SLC1A2: variants seen among roughly 807,000 people sequenced by gnomAD.
SLC1A2 encodes solute carrier family 1 member 2.
SLC1A2 carries 15 observed loss-of-function variants against 48.8 expected under a neutral mutation model. The observed-to-expected ratio is 0.31, with a 90% confidence interval of 0.21 to 0.47. The LOEUF (loss-of-function observed/expected upper bound fraction) is 0.47, where lower values mean the gene tolerates loss of function less well. Ranked by LOEUF, SLC1A2 falls within the 20% of genes least tolerant of loss-of-function variation. The pLI is 0.99. For synonymous variants in SLC1A2, 279 were observed against 272.6 expected (o/e 1.02, Z -0.23); for missense variants, 502 against 730.5 (o/e 0.69, Z 3.61).
intron 1 of SLC1A2, among the ~76,000 whole-genome samples, chr11:35,346,111 G>A (rs950193303): frequency 1.3e-5 from 2 of 151,946 alleles, no homozygotes; most frequent in African/African-American, 4.8e-5. Context: ...AGAACGTGTA[G>A]GTCTGTTACA....
In SLC1A2 at chr11:35,336,545, C is replaced by A. The variant is rs561806235; in HGVS notation, c.18-19029G>T. On this transcript the variant is annotated intron_variant, in intron 1 of 10. Coordinates refer to ENST00000278379, the MANE Select transcript of SLC1A2 (RefSeq NM_004171.4). ...TTCCTTTGTTTGATCCTCACAACAA[C>A]AATTCTATAAGCAAGTAGGAGGAAG... is the stretch of plus-strand genomic sequence containing the variant. Among the ~76,000 whole-genome samples, 12 of 152,250 alleles carry A rather than the reference C, an allele frequency of 7.9e-5. No individual in the cohort carries two copies. The South Asian group carries it at 2.5e-3, about 32-fold the overall frequency.
chr11:35,407,997 C>T (rs931012044), intron 1 of SLC1A2, among the ~76,000 whole-genome samples: 2 of 152,188 alleles, frequency 1.3e-5, no homozygotes, highest in African/African-American at 2.4e-5. Context: ...ATATTCCACT[C>T]GCCACAAATG....
At chr11:35,380,834 C>T (rs1332041808) in intron 1 of SLC1A2, among the ~76,000 whole-genome samples, 2 of 152,160 alleles carry the variant, frequency 1.3e-5, no homozygotes, top group Admixed American at 1.3e-4. Context: ...AGAAGCTGAG[C>T]TGCACTGGAT....
intron 1 of SLC1A2, among the ~76,000 whole-genome samples, chr11:35,362,054 T>C (rs1853698279): frequency 6.6e-6 from 1 of 152,252 alleles, no homozygotes; most frequent in Admixed American, 6.5e-5. Context: ...ATTATTAATC[T>C]GACCAGAGGT....
chr11:35,399,357 C>T (rs1204709819), intron 1 of SLC1A2, among the ~76,000 whole-genome samples: 1 of 151,676 alleles, frequency 6.6e-6, no homozygotes, highest in Non-Finnish European at 1.5e-5. Flanking sequence ...ACAGCTTGAG[C>T]TTGACTTACC....
At chr11:35,392,126 T>C (rs905495480) in intron 1 of SLC1A2, among the ~76,000 whole-genome samples, 20 of 152,224 alleles carry the variant, frequency 1.3e-4, no homozygotes, top group African/African-American at 4.8e-4. Flanking sequence ...CGTGTGTGTG[T>C]GTGTTTTGAA....
intron 1 of SLC1A2, among the ~76,000 whole-genome samples, chr11:35,415,364 A>G (rs145968407): frequency 3.3e-5 from 5 of 152,370 alleles, no homozygotes; most frequent in African/African-American, 7.2e-5. Context: ...TCAATTACTC[A>G]CAAGCGACTG....
chr11:35,321,197 G>T (rs929426392), intron 1 of SLC1A2, among the ~76,000 whole-genome samples: 2 of 152,120 alleles, frequency 1.3e-5, no homozygotes, highest in African/African-American at 4.8e-5. Context: ...GAGGGTAACT[G>T]CCCCCATGAT....
At chr11:35,400,721 C>A (rs1855111130) in intron 1 of SLC1A2, among the ~76,000 whole-genome samples, 1 of 152,076 alleles carries the variant, frequency 6.6e-6, no homozygotes, top group African/African-American at 2.4e-5. Context: ...CTACTTGATT[C>A]TCCTGAAAAA....
chr11:35,417,268 A>G lies in SLC1A2; in HGVS notation c.17+1682T>C, dbSNP rs572739658. Among the ~76,000 whole-genome samples the G allele has an allele frequency of 2.6e-5, 4 of 152,370 alleles. No individual in the cohort carries two copies. The East Asian group carries it at 7.7e-4, about 29-fold the overall frequency. On this transcript the variant is annotated intron_variant, in intron 1 of 10. Coordinates refer to ENST00000278379, the MANE Select transcript of SLC1A2 (RefSeq NM_004171.4). ...TACATTGAATGTCACATCATTTGAC[A>G]GCTTTCATTTAGGACAAAGGTGAAA...
At chr11:35,301,991 G>A (rs958203794) in intron 5 of SLC1A2, among the ~76,000 whole-genome samples, 1 of 152,122 alleles carries the variant, frequency 6.6e-6, no homozygotes, top group Non-Finnish European at 1.5e-5. Context: ...ACAGATTAAC[G>A]AGGAAAAGCC....
chr11:35,415,200 G>C (rs1855571124), intron 1 of SLC1A2, among the ~76,000 whole-genome samples: 1 of 152,190 alleles, frequency 6.6e-6, no homozygotes, highest in Non-Finnish European at 1.5e-5. Context: ...AAAGCCAAAG[G>C]AGACACAAAA....
chr11:35,398,768 C>T (rs1214154159), intron 1 of SLC1A2, among the ~76,000 whole-genome samples: 1 of 152,156 alleles, frequency 6.6e-6, no homozygotes, highest in Non-Finnish European at 1.5e-5. Context: ...GGATACAAAG[C>T]CTACAGCAAC....
intron 1 of SLC1A2, among the ~76,000 whole-genome samples, chr11:35,320,078 G>A (rs1393296203): frequency 9.2e-5 from 14 of 152,066 alleles, no homozygotes; most frequent in Admixed American, 9.2e-4. Flanking sequence ...CACAAACAGA[G>A]ACTGACATGG....
chr11:35,316,205 G>T (rs1207550289), intron 2 of SLC1A2: 1 of 152,204 alleles, frequency 6.6e-6, no homozygotes, highest in Admixed American at 6.5e-5. Flanking sequence ...GTTCCCAGAA[G>T]AAAAATTTTA....
At chr11:35,381,804 C>T (rs1854431858) in intron 1 of SLC1A2, among the ~76,000 whole-genome samples, 2 of 152,172 alleles carry the variant, frequency 1.3e-5, no homozygotes, top group African/African-American at 4.8e-5. Flanking sequence ...TTGTAAGTGT[C>T]ATATTGCACC....
intron 1 of SLC1A2, among the ~76,000 whole-genome samples, chr11:35,344,106 A>G (rs1852942004): frequency 6.6e-6 from 1 of 151,800 alleles, no homozygotes; most frequent in African/African-American, 2.4e-5. Context: ...TAATTTGTTC[A>G]TGCATTTACC....
chr11:35,280,958 T>C lies in SLC1A2; in HGVS notation c.1330A>G (p.Ser444Gly), dbSNP rs1201950541. 1 of 1,612,134 alleles carries C rather than the reference T, an allele frequency of 6.2e-7. No homozygotes were observed. Residue 444 changes from serine (S) to glycine (G), a missense_variant, in exon 9 of 11, where the codon AGT (serine) becomes GGT (glycine). By Grantham distance (56) the Ser-to-Gly change is moderately conservative. Around this residue, in one of 4 missense-constraint regions of SLC1A2, gnomAD observed 309 missense variants for 480.3 expected, o/e 0.64. Coordinates refer to ENST00000278379, the MANE Select transcript of SLC1A2 (RefSeq NM_004171.4). ...AGGAGCATGGTGACCAGCCCGGCACTGGGGATACTGGCCGCGCCGACGCTT... is the reference window on the plus strand; with the variant it reads ...AGGAGCATGGTGACCAGCCCGGCACCGGGGATACTGGCCGCGCCGACGCTT... ...LASVGAASIP[S>G]AGLVTMLLIL...
At position 35,326,201 on chromosome 11, in the gene SLC1A2, T is replaced by C. The variant is rs563126533; in HGVS notation, c.18-8685A>G. On this transcript the variant is annotated intron_variant, in intron 1 of 10. Transcript: ENST00000278379. ...GGAAACTGATGAGGACCCGGGAAGA[T>C]GCACTTGTCCGTGAAGGATATCTTA... Among the ~76,000 whole-genome samples the C allele has an allele frequency of 1.8e-4, 27 of 152,268 alleles. 1 individual carries two copies. The highest frequency in any genetic ancestry group is 1.0e-3 in the South Asian group (5 of 4,818).
Sources: gnomAD v4.1 joint callset for allele counts (sites outside exome capture counted in the v4.1 genomes callset) on GRCh38, gnomAD v4.1.1 for gene constraint, gnomAD v4.1.1 regional missense constraint, MANE v1.5 for transcripts, NCBI Gene and HGNC (gene_info 2026-07-23, HGNC 2026-07-21) for gene names.